Variants in MBP observed in about 807,000 individuals in gnomAD.
The protein encoded by MBP is myelin basic protein, also known as Golli-MBP.
MBP carries 16 observed loss-of-function variants against 35.8 expected under a neutral mutation model. That is an observed-to-expected ratio of 0.45 (90% CI 0.30 to 0.68). The LOEUF is 0.68. Ranked by LOEUF, MBP falls within the 30% of genes least tolerant of loss-of-function variation. The pLI is 0.08. For missense variants in MBP, 380 were observed against 404.7 expected (o/e 0.94, Z 0.52); for synonymous variants, 143 against 159.6 (o/e 0.90, Z 0.78).
At chr18:77,099,420 C>A (rs1295016157) in intron 2 of MBP, among the ~76,000 whole-genome samples, 1 of 152,222 alleles carries the variant, frequency 6.6e-6, no homozygotes, top group African/African-American at 2.4e-5. Context: ...TTAACCATTT[C>A]ATGAACAATT....
intron 2 of MBP, among the ~76,000 whole-genome samples, chr18:77,077,954 G>A (rs1974728961): frequency 6.6e-6 from 1 of 152,164 alleles, no homozygotes; most frequent in Admixed American, 6.5e-5. Flanking sequence ...CCCTGTGGAG[G>A]GATTATCCCC....
At chr18:76,987,949 A>G in intron 7 of MBP, 9 of 1,155,038 alleles carry the variant, frequency 7.8e-6, no homozygotes, top group Non-Finnish European at 9.7e-6. Context: ...GGATGGCTTG[A>G]TATCTATGTT....
intron 3 of MBP, among the ~76,000 whole-genome samples, chr18:77,041,053 A>G (rs1972970375): frequency 6.6e-6 from 1 of 152,184 alleles, no homozygotes; most frequent in Non-Finnish European, 1.5e-5. Flanking sequence ...GCTAGTATCC[A>G]GAATCTACAA....
intron 1 of MBP, among the ~76,000 whole-genome samples, chr18:77,110,725 G>A (rs900258405): frequency 1.3e-5 from 2 of 152,036 alleles, no homozygotes; most frequent in African/African-American, 4.8e-5. Flanking sequence ...ACTTCCCTAG[G>A]CATCAGATAA....
Position 77,081,761 on chromosome 18 carries a change from TATATATAC to T in MBP, c.52-15384_52-15377del, listed in dbSNP as rs1205498567. ...ATTTTCATAGCAGCATATATATATA[TATATATAC>T]ACACACACACACACACACACACACG... is the stretch of plus-strand genomic sequence containing the variant. On this transcript the variant is annotated intron_variant, in intron 2 of 8. Transcript: ENST00000355994. Among the ~76,000 whole-genome samples, 402 of 122,770 alleles carry T rather than the reference TATATATAC, an allele frequency of 3.3e-3. 2 individuals are homozygous for T. Among genetic ancestry groups the T allele is most frequent in the African/African-American group, 6.9e-3 (224 of 32,582 alleles). 80.5% of individuals were successfully genotyped at this position (122,770 alleles called of 152,430 possible).
intron 3 of MBP, among the ~76,000 whole-genome samples, chr18:77,063,870 T>G (rs1974083558): frequency 6.7e-6 from 1 of 150,322 alleles, no homozygotes; most frequent in Non-Finnish European, 1.5e-5. Flanking sequence ...TTATATTGTA[T>G]CCATGCTGTA....
At chr18:77,015,595 GC>G (rs1283089182) in intron 4 of MBP, 1 of 985,268 alleles carries the variant, frequency 1.0e-6, no homozygotes, top group East Asian at 1.1e-4. Flanking sequence ...ATAAGTCACG[GC>G]AAGTGTCACA....
chr18:76,996,782 C>T (rs1244470480), intron 4 of MBP, among the ~76,000 whole-genome samples: 1 of 152,110 alleles, frequency 6.6e-6, no homozygotes, highest in African/African-American at 2.4e-5. Flanking sequence ...CTTATTATGG[C>T]GCTAGCTACA....
Position 76,989,852 on chromosome 18 carries a change from G to A in MBP, c.681+104C>T, listed in dbSNP as rs1969791031. The A allele has an allele frequency of 5.1e-6, 5 of 983,164 alleles. No homozygotes were observed. Among genetic ancestry groups the A allele is most frequent in the Middle Eastern group, 3.2e-4 (1 of 3,156 alleles). 60.9% of individuals were successfully genotyped at this position (983,164 alleles called of 1,614,324 possible). A position where few individuals can be genotyped will look rare whatever the true frequency, so the allele number is the denominator to read the frequency against. ...CCGGCCTCACCCTGATGATGACCCCGGTGCCACCCCCGAGCGTACGAACGT... is the reference window on the plus strand; with the variant it reads ...CCGGCCTCACCCTGATGATGACCCCAGTGCCACCCCCGAGCGTACGAACGT... On this transcript the variant is annotated intron_variant, in intron 5 of 8. Coordinates refer to ENST00000355994, the MANE Select transcript of MBP (RefSeq NM_001025101.2). The surrounding 1 kb of genome is among the most constrained non-coding windows in gnomAD (Gnocchi z 4.0).
chr18:77,012,752 C>T (rs75207776), intron 4 of MBP: 186,490 of 982,072 alleles, frequency 0.19, 18,742 homozygotes, highest in Non-Finnish European at 0.21. Flanking sequence ...AAACCAAAAA[C>T]GACAAATTAA....
intron 2 of MBP, among the ~76,000 whole-genome samples, chr18:77,082,056 G>A (rs774921813): frequency 6.6e-6 from 1 of 151,174 alleles, no homozygotes; most frequent in Non-Finnish European, 1.5e-5. Context: ...GTTTCACTGT[G>A]TTAGCCGGGA....
intron 2 of MBP, among the ~76,000 whole-genome samples, chr18:77,099,492 C>T (rs1975910339): frequency 6.6e-6 from 1 of 152,262 alleles, no homozygotes. Flanking sequence ...AAAGACATGA[C>T]ATTAAAATGA....
intron 8 of MBP, chr18:76,984,165 AC>A (rs1969391420): frequency 6.5e-6 from 1 of 153,222 alleles, no homozygotes. Context: ...CGAGCCGCGC[AC>A]CTGCCAGCCG....
At chr18:77,041,502 A>G (rs1972988233) in intron 3 of MBP, among the ~76,000 whole-genome samples, 1 of 152,182 alleles carries the variant, frequency 6.6e-6, no homozygotes, top group Admixed American at 6.5e-5. Context: ...GGCACTATTC[A>G]CAATAGCAAA....
At chr18:77,025,220 A>G (rs1462534379) in intron 3 of MBP, among the ~76,000 whole-genome samples, 1 of 152,154 alleles carries the variant, frequency 6.6e-6, no homozygotes, top group East Asian at 1.9e-4. Context: ...CTCCAGCCCA[A>G]AGTGGCTTTC....
chr18:77,063,896 A>ATGTG (rs10554697), intron 3 of MBP, among the ~76,000 whole-genome samples: 19 of 149,858 alleles, frequency 1.3e-4, no homozygotes, highest in Admixed American at 3.3e-4. Flanking sequence ...ACCTATACAT[A>ATGTG]TGTGTGTGTG....
chr18:77,011,833 A>G lies in MBP; in HGVS notation c.576+4999T>C, dbSNP rs1412522677. 2.0e-5 allele frequency among the ~76,000 whole-genome samples: 3 copies of G among 152,360 alleles called. No homozygotes were observed. In the East Asian group the frequency reaches 5.8e-4, roughly 29 times the overall value. On this transcript the variant is annotated intron_variant, in intron 4 of 8. Transcript: ENST00000355994. Reference sequence around the variant, plus strand: ...AAGGAAAAAACTTTTAAAAACATTGAATCAGGGTTTGATAGGAAATGTCCA... The same window carrying G: ...AAGGAAAAAACTTTTAAAAACATTGGATCAGGGTTTGATAGGAAATGTCCA...
At chr18:77,042,535 C>T (rs190249563) in intron 3 of MBP, among the ~76,000 whole-genome samples, 5 of 152,318 alleles carry the variant, frequency 3.3e-5, no homozygotes, top group South Asian at 2.1e-4. Context: ...TTCTGTATTG[C>T]GGGATAGACA....
chr18:76,988,970 C>A lies in MBP; in HGVS notation c.682-58G>T, dbSNP rs1969734640. ...GGGAGCCCTGTGCCGCCGTCCATTT[C>A]CTAACGGGCTCCTGCCTGCTGAGGG... On this transcript the variant is annotated intron_variant, in intron 5 of 8. Coordinates refer to ENST00000355994, the MANE Select transcript of MBP (RefSeq NM_001025101.2). The surrounding 1 kb of genome is among the most constrained non-coding windows in gnomAD (Gnocchi z 5.2). 1 of 1,549,388 alleles carries A rather than the reference C, an allele frequency of 6.5e-7. No homozygotes were observed. Among genetic ancestry groups the A allele is most frequent in the Non-Finnish European group, 8.9e-7 (1 of 1,120,928 alleles).
Sources: gnomAD v4.1 joint callset for allele counts (sites outside exome capture counted in the v4.1 genomes callset) on GRCh38, gnomAD v4.1.1 for gene constraint, Gnocchi (gnomAD v3.1) non-coding constraint, MANE v1.5 for transcripts, NCBI Gene and HGNC (gene_info 2026-07-23, HGNC 2026-07-21) for gene names.